Variants in CHMP2B observed in about 807,000 individuals in gnomAD.
CHMP2B encodes the protein VPS2 homolog B.
A neutral mutation model predicts 29.8 loss-of-function variants in CHMP2B; 22 were observed. The observed-to-expected ratio is 0.74, with a 90% CI of 0.53 to 1.05. The LOEUF (loss-of-function observed/expected upper bound fraction) is 1.05, where lower values mean the gene tolerates loss of function less well. Among genes scored for constraint, CHMP2B ranks in the 50% least tolerant of loss-of-function variants. The pLI is 0.00. For synonymous variants in CHMP2B, 78 were observed against 75.8 expected (o/e 1.03, Z -0.15); for missense variants, 261 against 252.2 (o/e 1.03, Z -0.24).
chr3:87,232,384 C>T (rs1264873158), intron 1 of CHMP2B, among the ~76,000 whole-genome samples: 2 of 152,148 alleles, frequency 1.3e-5, no homozygotes, highest in Admixed American at 6.6e-5. Flanking sequence ...ACACTATTCT[C>T]ATGGTGGTAC....
At chr3:87,240,204 T>A (rs115953159) in intron 1 of CHMP2B, 1 of 154,236 alleles carries the variant, frequency 6.5e-6, no homozygotes, top group African/African-American at 2.4e-5. Flanking sequence ...CAATTCTTTA[T>A]ATTTTATTAA....
At chr3:87,238,017 A>G (rs1463056666) in intron 1 of CHMP2B, among the ~76,000 whole-genome samples, 1 of 152,218 alleles carries the variant, frequency 6.6e-6, no homozygotes, top group Non-Finnish European at 1.5e-5. Flanking sequence ...GAAACAGAAT[A>G]GGCAAAGGAG....
At position 87,245,843 on chromosome 3, in the gene CHMP2B, T is replaced by A. The variant is rs1334220911; in HGVS notation, c.256T>A (p.Ser86Thr). The A allele has an allele frequency of 3.1e-6, 5 of 1,613,576 alleles. No individual in the cohort carries two copies. The highest frequency in any genetic ancestry group is 2.2e-5 in the East Asian group (1 of 44,816). ...FAVSSKVTSM[S>T]TQTKVMNSQM... ...TGTAAGTTCAAAAGTTACTTCTATG[T>A]CTACACAAACAAAAGTGATGAATTC... is the stretch of plus-strand genomic sequence containing the variant. Residue 86 changes from serine (S) to threonine (T), a missense_variant, in exon 3 of 6, where the codon TCT becomes ACT. Transcript: ENST00000263780.
At chr3:87,233,507 T>C (rs1282408424) in intron 1 of CHMP2B, among the ~76,000 whole-genome samples, 1 of 152,112 alleles carries the variant, frequency 6.6e-6, no homozygotes, top group East Asian at 1.9e-4. Context: ...CAGGACTTCT[T>C]TTCACTTTAC....
chr3:87,249,342 A>T (rs1373848359), intron 3 of CHMP2B, among the ~76,000 whole-genome samples: 1 of 152,160 alleles, frequency 6.6e-6, no homozygotes, highest in African/African-American at 2.4e-5. Flanking sequence ...CTCTTAATGA[A>T]ATGAGTTGTG....
chr3:87,238,412 A>G (rs1337948572), intron 1 of CHMP2B, among the ~76,000 whole-genome samples: 1 of 152,110 alleles, frequency 6.6e-6, no homozygotes, highest in African/African-American at 2.4e-5. Context: ...GTTCTAAAAC[A>G]TTTTCATCAC....
At chr3:87,249,428 TA>T (rs1303527689) in intron 3 of CHMP2B, among the ~76,000 whole-genome samples, 3 of 152,092 alleles carry the variant, frequency 2.0e-5, no homozygotes, top group African/African-American at 7.2e-5. Context: ...AACCATGGTT[TA>T]AAATGTGTTA....
rs1362386856 is a variant in CHMP2B, at chr3:87,241,945, T to TA, written c.126+1156dup. ...CTTCCCATTAGCAATGTATGAAAGT[T>TA]ACAGTTGTTTCACATACTTGGAGTT... On this transcript the variant is annotated intron_variant, in intron 2 of 5. Transcript: ENST00000263780. 3.3e-5 allele frequency among the ~76,000 whole-genome samples: 5 copies of TA among 152,296 alleles called. 1 individual carries two copies. The highest frequency in any genetic ancestry group is 2.0e-4 in the Admixed American group (3 of 15,302).
rs569576992 is a variant in CHMP2B, at chr3:87,247,747, C to T, written c.321+1839C>T. ...TTTAGACAGCAGAGCACATGAAAGT[C>T]GAGTGCTGTGCAAACATACAGTTAG... On this transcript the variant is annotated intron_variant, in intron 3 of 5. Transcript: ENST00000263780. Among the ~76,000 whole-genome samples, 11 of 152,236 alleles carry T rather than the reference C, an allele frequency of 7.2e-5. No individual in the cohort carries two copies. The South Asian group carries it at 1.2e-3, about 17-fold the overall frequency.
chr3:87,240,759 G>A lies in CHMP2B; in HGVS notation c.95G>A (p.Arg32Gln), dbSNP rs374428152. Residue 32 changes from arginine (R) to glutamine (Q), a missense_variant, in exon 2 of 6, where the codon CGA (arginine) becomes CAA (glutamine). Coordinates refer to ENST00000263780, the MANE Select transcript of CHMP2B (RefSeq NM_014043.4). ...RGTQRAIIRD[R>Q]AALEKQEKQL... ...ACACAGAGGGCTATAATCAGAGATCGAGCAGCTTTAGAGAAACAAGAAAAA... is the reference window on the plus strand; with the variant it reads ...ACACAGAGGGCTATAATCAGAGATCAAGCAGCTTTAGAGAAACAAGAAAAA... The A allele has an allele frequency of 5.5e-5, 89 of 1,613,370 alleles. No homozygotes were observed. The highest frequency in any genetic ancestry group is 7.4e-5 in the Non-Finnish European group (87 of 1,179,588).
In CHMP2B at chr3:87,253,459, G is replaced by A; in HGVS notation, c.480G>A (p.Gln160=). The change falls in exon 5 of 6, where the codon CAG becomes CAA. Residue 160 remains glutamine, a synonymous_variant. Coordinates refer to ENST00000263780, the MANE Select transcript of CHMP2B (RefSeq NM_014043.4). ...GTTCTGATGACGAAGAAGAAAGCCA[G>A]GATATTGTGAATCAAGTTCTTGATG... ...FDGSDDEEES[Q]DIVNQVLDEI... 1 of 1,612,028 alleles carries A rather than the reference G, an allele frequency of 6.2e-7. No homozygotes were observed. The highest frequency in any genetic ancestry group is 1.1e-5 in the South Asian group (1 of 91,038).
In CHMP2B at chr3:87,255,111, A is replaced by T. The variant is rs1418423347; in HGVS notation, c.*1289A>T. The T allele has an allele frequency of 6.6e-6, 1 of 152,026 alleles. No homozygotes were observed. The highest frequency in any genetic ancestry group is 1.9e-4 in the East Asian group (1 of 5,190). 9.4% of individuals were successfully genotyped at this position (152,026 alleles called of 1,614,324 possible). ...CATCCTACCATAAAAACTGGAGGAG[A>T]TATGTGTAACCTGGTTAATTTGGGA... On this transcript the variant is annotated 3_prime_UTR_variant, in exon 6 of 6. Transcript: ENST00000263780.
At chr3:87,232,501 T>G (rs1347170786) in intron 1 of CHMP2B, among the ~76,000 whole-genome samples, 1 of 152,164 alleles carries the variant, frequency 6.6e-6, no homozygotes, top group African/African-American at 2.4e-5. Context: ...CCTACATTCT[T>G]GACATACCAA....
chr3:87,234,405 A>G (rs1705962289), intron 1 of CHMP2B, among the ~76,000 whole-genome samples: 1 of 152,194 alleles, frequency 6.6e-6, no homozygotes, highest in Admixed American at 6.5e-5. Context: ...CTATGATCTC[A>G]TCACTCTACT....
chr3:87,246,223 C>T (rs780031834), intron 3 of CHMP2B, among the ~76,000 whole-genome samples: 4 of 151,862 alleles, frequency 2.6e-5, no homozygotes, highest in East Asian at 1.9e-4. Flanking sequence ...CTGCATCCTC[C>T]GCCTCCTGGA....
chr3:87,232,578 A>G (rs1420371819), intron 1 of CHMP2B, among the ~76,000 whole-genome samples: 1 of 152,146 alleles, frequency 6.6e-6, no homozygotes, highest in Non-Finnish European at 1.5e-5. Context: ...TTAGAAAAAC[A>G]TTCTCCCTAC....
At position 87,249,916 on chromosome 3, in the gene CHMP2B, AT is replaced by A. The variant is rs1187079294; in HGVS notation, c.365del (p.Leu122TyrfsTer12). On this transcript the variant is annotated frameshift_variant, in exon 4 of 6. Coordinates refer to ENST00000263780, the MANE Select transcript of CHMP2B (RefSeq NM_014043.4). LOFTEE classifies it high-confidence loss of function. The stretch of plus-strand genomic sequence containing the variant: ...ACAAGAAGATGGATCCACAAAAGAC[AT>A]TACAAACAATGCAGAATTTCCAGAA... The part of the protein sequence containing the change: ...VNKKMDPQKT[L>X]QTMQNFQKEN... 7 of 1,608,130 alleles carry A rather than the reference AT, an allele frequency of 4.4e-6. No individual in the cohort carries two copies. Among genetic ancestry groups the A allele is most frequent in the Non-Finnish European group, 6.0e-6 (7 of 1,175,920 alleles).
intron 1 of CHMP2B, among the ~76,000 whole-genome samples, chr3:87,236,151 G>A (rs1417409828): frequency 1.3e-5 from 2 of 151,922 alleles, no homozygotes; most frequent in African/African-American, 4.8e-5. Flanking sequence ...CTAATCTCAA[G>A]CACCCACCTC....
chr3:87,241,345 A>G (rs918902288), intron 2 of CHMP2B, among the ~76,000 whole-genome samples: 6 of 152,174 alleles, frequency 3.9e-5, no homozygotes, highest in Non-Finnish European at 7.4e-5. Flanking sequence ...CAGGTGTACA[A>G]TTTGATAGGT....
Sources: allele counts gnomAD v4.1 joint callset (sites outside exome capture counted in the v4.1 genomes callset), GRCh38; gene constraint gnomAD v4.1.1; transcripts MANE v1.5; gene names NCBI Gene and HGNC (gene_info 2026-07-23, HGNC 2026-07-21).